Variants in ATG10 observed in about 807,000 individuals in gnomAD.
ATG10 encodes ubiquitin-like-conjugating enzyme ATG10.
A neutral mutation model predicts 32.1 loss-of-function variants in ATG10; 30 were observed. The observed-to-expected ratio is 0.94, with a 90% CI of 0.70 to 1.27. ATG10 has a LOEUF of 1.27. ATG10 is among the 50% of genes most tolerant of loss of function. The pLI, the probability that ATG10 is intolerant of heterozygous loss-of-function variation, is 0.00. For missense variants in ATG10, 233 were observed against 262.3 expected, an observed-to-expected ratio of 0.89 and a Z score of 0.77; for synonymous variants, 87 against 91.5, an observed-to-expected ratio of 0.95 and a Z score of 0.28.
At chr5:81,972,741 G>C (rs1275240831) in intron 1 of ATG10, 2 of 152,116 alleles carry the variant, frequency 1.3e-5, no homozygotes, top group Admixed American at 1.3e-4. Context: ...TTGATATTTA[G>C]AGCCAACAGG....
chr5:82,237,276 G>A (rs190288173), intron 5 of ATG10, among the ~76,000 whole-genome samples: 1 of 151,948 alleles, frequency 6.6e-6, no homozygotes, highest in Non-Finnish European at 1.5e-5. Context: ...TATATTCTAC[G>A]GCCACACTTT....
intron 2 of ATG10, among the ~76,000 whole-genome samples, chr5:82,027,698 C>T (rs1762635130): frequency 6.6e-6 from 1 of 152,144 alleles, no homozygotes; most frequent in African/African-American, 2.4e-5. Context: ...TATTGAATAA[C>T]TTTTCATTAA....
At chr5:82,011,318 T>A (rs2149694687) in intron 2 of ATG10, among the ~76,000 whole-genome samples, 1 of 152,302 alleles carries the variant, frequency 6.6e-6, no homozygotes, top group East Asian at 1.9e-4. Context: ...TATTCCATCT[T>A]TAAAAATCTC....
At chr5:82,149,135 C>T (rs562366549) in intron 3 of ATG10, among the ~76,000 whole-genome samples, 2 of 152,140 alleles carry the variant, frequency 1.3e-5, no homozygotes, top group East Asian at 1.9e-4. Context: ...ATCTTTAGGA[C>T]TCAGTTTGGG....
chr5:82,035,851 T>G (rs1175779889), intron 2 of ATG10, among the ~76,000 whole-genome samples: 1 of 150,918 alleles, frequency 6.6e-6, no homozygotes, highest in Middle Eastern at 3.4e-3. Context: ...TTGCAAATAT[T>G]TTCCCCAGTC....
At chr5:82,009,806 G>T in intron 2 of ATG10, 2 of 1,606,492 alleles carry the variant, frequency 1.2e-6, no homozygotes, top group Non-Finnish European at 8.5e-7. Flanking sequence ...TGGACAAGAT[G>T]CCAGGACCTG....
chr5:82,131,799 A>G (rs1766547871), intron 3 of ATG10, among the ~76,000 whole-genome samples: 1 of 152,132 alleles, frequency 6.6e-6, no homozygotes, highest in South Asian at 2.1e-4. Context: ...GAGGCTGGGT[A>G]ATTTATAAGC....
chr5:82,161,220 A>G (rs1219878672), intron 3 of ATG10, among the ~76,000 whole-genome samples: 2 of 152,176 alleles, frequency 1.3e-5, no homozygotes, highest in Non-Finnish European at 2.9e-5. Context: ...GCATGCAGAA[A>G]TGTCACTGCA....
intron 5 of ATG10, among the ~76,000 whole-genome samples, chr5:82,229,097 C>A (rs934803911): frequency 6.6e-6 from 1 of 152,112 alleles, no homozygotes; most frequent in Admixed American, 6.5e-5. Flanking sequence ...AGGAGAGATC[C>A]CTTGCCTTTG....
At chr5:82,127,552 AT>A (rs1766331083) in intron 3 of ATG10, among the ~76,000 whole-genome samples, 1 of 152,276 alleles carries the variant, frequency 6.6e-6, no homozygotes, top group African/African-American at 2.4e-5. Flanking sequence ...CCCAGTGGTC[AT>A]TCAGGAGCAG....
At position 82,123,075 on chromosome 5, in the gene ATG10, C is replaced by T. The variant is rs117810711; in HGVS notation, c.217-41324C>T. 5.1e-4 allele frequency among the ~76,000 whole-genome samples: 78 copies of T among 152,304 alleles called. No individual in the cohort carries two copies. In the East Asian group the frequency reaches 0.013, roughly 24 times the overall value. On this transcript the variant is annotated intron_variant, in intron 3 of 7. Coordinates refer to ENST00000282185, the MANE Select transcript of ATG10 (RefSeq NM_031482.5). Reference sequence around the variant, plus strand: ...ATGCATGCAGATGTTCACTGCAGCACTATTCACAATAGCAAAGACTAACCT... The same window carrying T: ...ATGCATGCAGATGTTCACTGCAGCATTATTCACAATAGCAAAGACTAACCT...
At chr5:82,163,810 T>G (rs907485125) in intron 3 of ATG10, among the ~76,000 whole-genome samples, 1 of 152,242 alleles carries the variant, frequency 6.6e-6, no homozygotes, top group Non-Finnish European at 1.5e-5. Flanking sequence ...TACTCTATTA[T>G]AAATCAAGAT....
At chr5:82,028,474 G>T (rs546364935) in intron 2 of ATG10, among the ~76,000 whole-genome samples, 1 of 152,282 alleles carries the variant, frequency 6.6e-6, no homozygotes, top group African/African-American at 2.4e-5. Context: ...TTCACATCAA[G>T]GGTATTGTGA....
At chr5:82,065,236 A>G (rs904269601) in intron 3 of ATG10, among the ~76,000 whole-genome samples, 1 of 152,158 alleles carries the variant, frequency 6.6e-6, no homozygotes, top group Non-Finnish European at 1.5e-5. Context: ...CTGTAATCCC[A>G]GCACTTTGGG....
chr5:82,038,839 T>C (rs1023169164), intron 2 of ATG10, among the ~76,000 whole-genome samples: 1 of 152,228 alleles, frequency 6.6e-6, no homozygotes, highest in African/African-American at 2.4e-5. Context: ...TCTTCCTATA[T>C]AAGTGATATT....
At chr5:81,988,175 C>G (rs111941197) in intron 2 of ATG10, among the ~76,000 whole-genome samples, 1 of 152,166 alleles carries the variant, frequency 6.6e-6, no homozygotes, top group Non-Finnish European at 1.5e-5. Flanking sequence ...CTCACTCTGT[C>G]CCCCACGCTG....
chr5:82,230,516 G>A (rs1405562554), intron 5 of ATG10, among the ~76,000 whole-genome samples: 1 of 151,844 alleles, frequency 6.6e-6, no homozygotes, highest in Non-Finnish European at 1.5e-5. Flanking sequence ...GGTGGATCAC[G>A]AGGTCAAGAG....
intron 2 of ATG10, among the ~76,000 whole-genome samples, chr5:82,055,193 AC>A (rs1029367943): frequency 6.6e-6 from 1 of 152,002 alleles, no homozygotes; most frequent in Admixed American, 6.6e-5. Context: ...AATCCAAAAA[AC>A]TCTATATTTA....
At position 82,178,509 on chromosome 5, in the gene ATG10, G is replaced by C. The variant is rs1222234395; in HGVS notation, c.375G>C (p.Leu125=). ...TCACAGATGGGAGACCTTTAACTCT[G>C]AAGGACATATGGGAAGGAGTTCATG... ...ASFLDGRPLT[L]KDIWEGVHEC... The change falls in exon 5 of 8, where the codon CTG becomes CTC. Residue 125 remains leucine (L), a synonymous_variant. Coordinates refer to ENST00000282185, the MANE Select transcript of ATG10 (RefSeq NM_031482.5). The C allele has an allele frequency of 3.1e-6, 5 of 1,611,038 alleles. No homozygotes were observed. Among genetic ancestry groups the C allele is most frequent in the Non-Finnish European group, 4.2e-6 (5 of 1,177,530 alleles).
Sources: allele counts gnomAD v4.1 joint callset (sites outside exome capture counted in the v4.1 genomes callset), GRCh38; gene constraint gnomAD v4.1.1; transcripts MANE v1.5; gene names NCBI Gene and HGNC (gene_info 2026-07-23, HGNC 2026-07-21).